The following HMG20A variants were observed in gnomAD, a reference collection of about 807,000 sequenced individuals.
HMG20A encodes high mobility group protein 20A.
HMG20A carries 17 observed loss-of-function variants against 43.9 expected under a neutral mutation model. The ratio of observed to expected loss-of-function variants is 0.39; its 90% confidence interval spans 0.27 to 0.58. The LOEUF (loss-of-function observed/expected upper bound fraction) is 0.58. Among genes scored for constraint, HMG20A ranks in the 20% least tolerant of loss-of-function variants. The pLI is 0.59. For synonymous variants in HMG20A, 132 were observed against 147.5 expected (o/e 0.89, Z 0.76); for missense variants, 341 against 438.2 (o/e 0.78, Z 1.98).
chr15:77,500,041 C>T, the HMG20A span, among the ~76,000 whole-genome samples: 6 of 151,782 alleles, frequency 4.0e-5, no homozygotes, highest in Non-Finnish European at 8.8e-5. Context: ...ATGTTGGCCA[C>T]GCTGGTCTTG....
intron 4 of HMG20A, among the ~76,000 whole-genome samples, chr15:77,469,126 T>C (rs1474267661): frequency 2.6e-5 from 4 of 152,010 alleles, no homozygotes; most frequent in African/African-American, 4.8e-5. Flanking sequence ...ATGTCACATA[T>C]GCAGGCACAC....
chr15:77,502,007 T>C, the HMG20A span, among the ~76,000 whole-genome samples: 25 of 152,316 alleles, frequency 1.6e-4, no homozygotes, highest in African/African-American at 4.8e-4. Context: ...GGGTGAAGTA[T>C]GGTCCATGAG....
chr15:77,468,976 G>C (rs1156932111), intron 4 of HMG20A, among the ~76,000 whole-genome samples: 1 of 151,666 alleles, frequency 6.6e-6, no homozygotes, highest in African/African-American at 2.4e-5. Context: ...TTAAAATACA[G>C]TTCCCTTCTG....
chr15:77,468,807 A>G (rs944745802), intron 4 of HMG20A, among the ~76,000 whole-genome samples: 1 of 152,180 alleles, frequency 6.6e-6, no homozygotes. Flanking sequence ...TTAATCTGTC[A>G]TCTATATGTT....
the HMG20A span, among the ~76,000 whole-genome samples, chr15:77,510,619 T>C: frequency 0.23 from 34,271 of 152,162 alleles, 4,341 homozygotes; most frequent in Middle Eastern, 0.29. Context: ...CTGACCATGC[T>C]GGGTTCAGGG....
chr15:77,431,776 C>T (rs1326832260), intron 1 of HMG20A, among the ~76,000 whole-genome samples: 1 of 152,092 alleles, frequency 6.6e-6, no homozygotes, highest in African/African-American at 2.4e-5. Context: ...AATTTTGTGT[C>T]CTTTGACCAA....
At chr15:77,486,259 C>CTTTTT (rs71145843), downstream of HMG20A, among the ~76,000 whole-genome samples, 2 of 128,688 alleles carry the variant, frequency 1.6e-5, no homozygotes, top group Non-Finnish European at 3.3e-5. Context: ...TAAATGCTTG[C>CTTTTT]TTTTTTTTTT....
chr15:77,506,368 C>T, the HMG20A span, among the ~76,000 whole-genome samples: 32 of 152,144 alleles, frequency 2.1e-4, 1 homozygote, highest in Admixed American at 2.1e-3. Flanking sequence ...TCCCTCTCCA[C>T]CAGTTGCTGG....
intron 6 of HMG20A, among the ~76,000 whole-genome samples, chr15:77,474,470 C>G (rs564598675): frequency 7.0e-4 from 107 of 152,298 alleles, no homozygotes; most frequent in African/African-American, 2.4e-3. Context: ...GTGACAGAAA[C>G]CCAGGCCTTC....
At chr15:77,503,175 A>G in the HMG20A span, among the ~76,000 whole-genome samples, 1 of 152,180 alleles carries the variant, frequency 6.6e-6, no homozygotes, top group Non-Finnish European at 1.5e-5. Context: ...GCATAGATAG[A>G]TAAGTTGCAA....
chr15:77,515,526 C>T, the HMG20A span, among the ~76,000 whole-genome samples: 2 of 151,976 alleles, frequency 1.3e-5, no homozygotes, highest in Non-Finnish European at 2.9e-5. Context: ...TGGGCTCAAG[C>T]GATCCTCCTA....
At chr15:77,463,223 G>GATGA (rs899346433) in intron 2 of HMG20A, among the ~76,000 whole-genome samples, 1 of 152,086 alleles carries the variant, frequency 6.6e-6, no homozygotes, top group Non-Finnish European at 1.5e-5. Context: ...TGTTTACCTT[G>GATGA]ATGAATACGT....
In HMG20A at chr15:77,477,415, A is replaced by G. The variant is rs909304242; in HGVS notation, c.616-140A>G. On this transcript the variant is annotated intron_variant, in intron 6 of 9. Coordinates refer to ENST00000336216, the MANE Select transcript of HMG20A (RefSeq NM_001304504.2). ...TGGATTCCAATGAAAAGATGAATAC[A>G]TTTCCCTCACAGACTCACCTGGACT... The G allele has an allele frequency of 4.6e-5, 29 of 631,388 alleles. No individual in the cohort carries two copies. In the African/African-American group the frequency reaches 4.8e-4, roughly 10 times the overall value. The allele number at this position is 631,388 out of a possible 1,614,324, so 39.1% of individuals were successfully genotyped here. A position where few individuals can be genotyped will look rare whatever the true frequency, so the allele number is the denominator to read the frequency against.
chr15:77,472,742 C>A (rs1478266334), intron 6 of HMG20A, among the ~76,000 whole-genome samples: 1 of 152,194 alleles, frequency 6.6e-6, no homozygotes, highest in Non-Finnish European at 1.5e-5. Context: ...ATTCTGTTTT[C>A]TCCTTCAAAC....
intron 1 of HMG20A, among the ~76,000 whole-genome samples, chr15:77,427,532 CA>C (rs1253656060): frequency 6.6e-6 from 1 of 152,152 alleles, no homozygotes; most frequent in African/African-American, 2.4e-5. Context: ...TAGTTGAACA[CA>C]CATAAAATTA....
intron 1 of HMG20A, among the ~76,000 whole-genome samples, chr15:77,423,349 C>A (rs1258599534): frequency 6.6e-6 from 1 of 152,010 alleles, no homozygotes; most frequent in Admixed American, 6.6e-5. Context: ...AAAAATGTTT[C>A]TTTAGAGAGG....
intron 1 of HMG20A, among the ~76,000 whole-genome samples, chr15:77,424,034 A>G (rs866564696): frequency 6.6e-6 from 1 of 152,196 alleles, no homozygotes. Flanking sequence ...CCAAATATTC[A>G]TATTCTACTG....
downstream of HMG20A, among the ~76,000 whole-genome samples, chr15:77,489,671 G>A (rs1425389892): frequency 6.6e-6 from 1 of 152,146 alleles, no homozygotes; most frequent in African/African-American, 2.4e-5. Context: ...ATAGAGAAAG[G>A]CCTTTCTGAA....
chr15:77,451,597 C>G (rs1471739135), intron 1 of HMG20A, among the ~76,000 whole-genome samples: 3 of 152,120 alleles, frequency 2.0e-5, no homozygotes, highest in African/African-American at 7.2e-5. Flanking sequence ...CCTATGGATA[C>G]AGGGCCGACT....
Sources: allele counts gnomAD v4.1 joint callset (sites outside exome capture counted in the v4.1 genomes callset), GRCh38; gene constraint gnomAD v4.1.1; transcripts MANE v1.5; gene names NCBI Gene and HGNC (gene_info 2026-07-23, HGNC 2026-07-21).